Variants in SMOC1 observed in about 807,000 individuals in gnomAD.
The protein encoded by SMOC1 is SPARC-related modular calcium-binding protein 1.
SMOC1 carries 22 observed loss-of-function variants against 56.3 expected under a neutral mutation model. That is an observed-to-expected ratio of 0.39 (90% CI 0.28 to 0.56). The LOEUF (loss-of-function observed/expected upper bound fraction) is 0.56, where lower values mean the gene tolerates loss of function less well. SMOC1 is among the 20% of genes least tolerant of loss of function. SMOC1 has a pLI of 0.61. For missense variants in SMOC1, 509 were observed against 565.4 expected (o/e 0.90, Z 1.01); for synonymous variants, 193 against 215.0 (o/e 0.90, Z 0.89).
intron 1 of SMOC1, among the ~76,000 whole-genome samples, chr14:69,882,677 C>G (rs922606441): frequency 6.6e-6 from 1 of 152,162 alleles, no homozygotes. Flanking sequence ...GGGGCTCTCC[C>G]TGGCTGATGG....
intron 1 of SMOC1, among the ~76,000 whole-genome samples, chr14:69,950,072 G>A (rs1882937155): frequency 6.6e-6 from 1 of 152,206 alleles, no homozygotes; most frequent in South Asian, 2.1e-4. Context: ...ACACTATCTG[G>A]ATATTTCCCT....
chr14:69,892,506 C>T (rs1380076604), intron 1 of SMOC1, among the ~76,000 whole-genome samples: 2 of 152,190 alleles, frequency 1.3e-5, no homozygotes, highest in African/African-American at 4.8e-5. Flanking sequence ...TCTTTGGGTC[C>T]TATCTAGTCA....
At position 70,030,523 on chromosome 14, in the gene SMOC1, G is replaced by A; in HGVS notation, c.*265G>A. Reference sequence around the variant, plus strand: ...ATTGTAAGTTTTTGGATCTGCTACTGACAACTTTTAGAGGGTTTTGGGGGG... The same window carrying A: ...ATTGTAAGTTTTTGGATCTGCTACTAACAACTTTTAGAGGGTTTTGGGGGG... On this transcript the variant is annotated 3_prime_UTR_variant, in exon 12 of 12. Transcript: ENST00000361956. The A allele has an allele frequency of 1.1e-5, 2 of 184,704 alleles. No homozygotes were observed. The highest frequency in any genetic ancestry group is 6.5e-5 in the Admixed American group (1 of 15,300). 11.4% of individuals were successfully genotyped at this position (184,704 alleles called of 1,614,324 possible).
At position 70,003,585 on chromosome 14, in the gene SMOC1, T is replaced by C. The variant is rs140855419; in HGVS notation, c.665-7169T>C. Reference sequence around the variant, plus strand: ...TCTTGGACCAAGTACCCTTTATGAATCTTTTACACCAGAGATTCCATGGCT... The same window carrying C: ...TCTTGGACCAAGTACCCTTTATGAACCTTTTACACCAGAGATTCCATGGCT... On this transcript the variant is annotated intron_variant, in intron 7 of 11. Transcript: ENST00000361956. Among the ~76,000 whole-genome samples the C allele has an allele frequency of 4.4e-4, 67 of 152,288 alleles. 1 individual carries two copies. In the East Asian group the frequency reaches 0.012, roughly 27 times the overall value.
chr14:69,987,943 G>T (rs1884427013), intron 5 of SMOC1, among the ~76,000 whole-genome samples: 1 of 152,216 alleles, frequency 6.6e-6, no homozygotes, highest in Non-Finnish European at 1.5e-5. Context: ...GTGACTGGGG[G>T]TTGGGGAATC....
At chr14:69,962,890 T>A (rs1311867140) in intron 3 of SMOC1, among the ~76,000 whole-genome samples, 1 of 152,266 alleles carries the variant, frequency 6.6e-6, no homozygotes, top group African/African-American at 2.4e-5. Context: ...AAGCTTTAGT[T>A]TTGAAGTTCA....
chr14:69,999,221 G>A lies in SMOC1; in HGVS notation c.664+4741G>A, dbSNP rs532381196. ...GGCCTGCTTCAGGCCATTTGGCCAC[G>A]TCTTGGATTGCTTCTTCCTCACCCA... On this transcript the variant is annotated intron_variant, in intron 7 of 11. Transcript: ENST00000361956. 1.2e-4 allele frequency among the ~76,000 whole-genome samples: 19 copies of A among 152,280 alleles called. No individual in the cohort carries two copies. In the South Asian group the frequency reaches 2.7e-3, roughly 22 times the overall value.
At chr14:69,937,735 AT>A (rs939258029) in intron 1 of SMOC1, among the ~76,000 whole-genome samples, 7 of 152,122 alleles carry the variant, frequency 4.6e-5, no homozygotes, top group African/African-American at 1.7e-4. Flanking sequence ...CTTCGAAAGC[AT>A]TTTGTGTGTG....
At chr14:69,977,388 C>T (rs1187882872) in intron 4 of SMOC1, among the ~76,000 whole-genome samples, 3 of 152,248 alleles carry the variant, frequency 2.0e-5, no homozygotes, top group Non-Finnish European at 4.4e-5. Context: ...GTTTCCATGC[C>T]TTAGACTATT....
At chr14:69,986,635 AC>A (rs1884374770) in intron 5 of SMOC1, among the ~76,000 whole-genome samples, 1 of 152,310 alleles carries the variant, frequency 6.6e-6, no homozygotes, top group East Asian at 1.9e-4. Context: ...AGTTAAAAAA[AC>A]ATTAGCCGAG....
At chr14:69,984,670 C>T (rs1447374819) in intron 5 of SMOC1, among the ~76,000 whole-genome samples, 2 of 147,670 alleles carry the variant, frequency 1.4e-5, no homozygotes, top group Admixed American at 6.7e-5. Context: ...TGGTGAAACC[C>T]TATCTCTACT....
intron 7 of SMOC1, among the ~76,000 whole-genome samples, chr14:70,009,754 T>C (rs964169793): frequency 5.9e-5 from 9 of 152,278 alleles, no homozygotes; most frequent in Non-Finnish European, 1.3e-4. Context: ...CATGTATGTA[T>C]GTACATAAAA....
chr14:70,011,892 G>A (rs1282641399), intron 9 of SMOC1, among the ~76,000 whole-genome samples: 1 of 152,212 alleles, frequency 6.6e-6, no homozygotes. Context: ...GAGCTGTGAG[G>A]ATAAGATAGC....
At chr14:69,885,620 C>T (rs1396999503) in intron 1 of SMOC1, 1 of 1,497,770 alleles carries the variant, frequency 6.7e-7, no homozygotes. Context: ...CATTTTACGA[C>T]ATAGGGCAGG....
At chr14:70,001,793 T>C (rs764523688) in intron 7 of SMOC1, among the ~76,000 whole-genome samples, 3 of 152,218 alleles carry the variant, frequency 2.0e-5, no homozygotes, top group Non-Finnish European at 4.4e-5. Flanking sequence ...CTGTGAGGCA[T>C]GTGCAAGAGT....
chr14:69,995,791 C>T (rs771030959), intron 7 of SMOC1, among the ~76,000 whole-genome samples: 8 of 152,114 alleles, frequency 5.3e-5, no homozygotes, highest in African/African-American at 1.7e-4. Flanking sequence ...GTATGAATAA[C>T]GGGAATAGTA....
intron 1 of SMOC1, among the ~76,000 whole-genome samples, chr14:69,937,614 C>T (rs1885327890): frequency 6.6e-6 from 1 of 152,214 alleles, no homozygotes; most frequent in South Asian, 2.1e-4. Context: ...GGTCATCAAT[C>T]CTTGTCTGAG....
chr14:70,016,170 G>T (rs1034361673), intron 10 of SMOC1, among the ~76,000 whole-genome samples: 1 of 152,216 alleles, frequency 6.6e-6, no homozygotes, highest in Non-Finnish European at 1.5e-5. Flanking sequence ...GGGAAGGTAG[G>T]ATTTGTGCCT....
intron 1 of SMOC1, among the ~76,000 whole-genome samples, chr14:69,934,564 C>T (rs1055627017): frequency 1.3e-5 from 2 of 152,186 alleles, no homozygotes; most frequent in African/African-American, 4.8e-5. Flanking sequence ...AAAATTGCTG[C>T]TGAGGTCCAG....
Sources: gnomAD v4.1 joint callset for allele counts (sites outside exome capture counted in the v4.1 genomes callset) on GRCh38, gnomAD v4.1.1 for gene constraint, MANE v1.5 for transcripts, NCBI Gene and HGNC (gene_info 2026-07-23, HGNC 2026-07-21) for gene names.